Variants in VPS35 observed in about 807,000 individuals in gnomAD.
The protein encoded by VPS35 is vacuolar protein sorting-associated protein 35.
Under a neutral mutation model 98.1 loss-of-function variants are expected in VPS35, and 21 were observed. That is an observed-to-expected ratio of 0.21 (90% CI 0.15 to 0.31). The LOEUF is 0.31. Among genes scored for constraint, VPS35 ranks in the 10% least tolerant of loss-of-function variants. The pLI, the probability that VPS35 is intolerant of heterozygous loss-of-function variation, is 1.00. For synonymous variants in VPS35, 268 were observed against 318.2 expected, an observed-to-expected ratio of 0.84 and a Z score of 1.68; for missense variants, 554 against 950.8, an observed-to-expected ratio of 0.58 and a Z score of 5.49.
intron 12 of VPS35, among the ~76,000 whole-genome samples, chr16:46,670,279 T>C (rs951250710): frequency 6.6e-6 from 1 of 152,180 alleles, no homozygotes; most frequent in African/African-American, 2.4e-5. Context: ...ATCAGCCACA[T>C]GCAGAAGGCA....
chr16:46,678,806 C>A (rs1966190051), intron 6 of VPS35, 137 bp downstream of exon 6: 1 of 829,330 alleles, frequency 1.2e-6, no homozygotes, highest in South Asian at 1.8e-5. Context: ...ATATATCTTT[C>A]CGTTTAAGTC....
chr16:46,678,429 C>T (rs1567268022), intron 6 of VPS35, among the ~76,000 whole-genome samples: 2 of 151,938 alleles, frequency 1.3e-5, no homozygotes, highest in Non-Finnish European at 2.9e-5. Context: ...TTGTACAGCA[C>T]ATGTCTTACA....
chr16:46,680,678 G>A lies in VPS35; in HGVS notation c.499C>T (p.Pro167Ser). The A allele has an allele frequency of 6.2e-7, 1 of 1,613,612 alleles. No individual in the cohort carries two copies. The highest frequency in any genetic ancestry group is 8.5e-7 in the Non-Finnish European group (1 of 1,179,758). ...TRNILPDEGE[P>S]TDEETTGDIS... ...AGAAAGAAAATCACTTACTCTGTTG[G>A]CTCTCCTTCATCAGGTAAGATATTT... The change falls in exon 5 of 17, where the codon CCA (proline) becomes TCA (serine). Residue 167 changes from proline (P) to serine (S), a missense_variant. By Grantham distance (74) the Pro-to-Ser change is moderately conservative. This residue lies in a region of VPS35 where 77 missense variants were observed against 222.3 expected (regional missense o/e 0.35). Coordinates refer to ENST00000299138, the MANE Select transcript of VPS35 (RefSeq NM_018206.6).
intron 10 of VPS35, 24 bp downstream of exon 10, chr16:46,674,290 T>C (rs1966110480): frequency 6.2e-7 from 1 of 1,613,212 alleles, no homozygotes. Flanking sequence ...TTTGAGGATT[T>C]TTACAAAAAT....
intron 1 of VPS35, among the ~76,000 whole-genome samples, chr16:46,684,811 TG>T (rs1966287818): frequency 6.6e-6 from 1 of 152,154 alleles, no homozygotes; most frequent in Admixed American, 6.5e-5. Flanking sequence ...AATTAATGGA[TG>T]AATAAACAAG....
chr16:46,660,839 A>AC lies in VPS35; in HGVS notation c.2212-189dup, dbSNP rs59019355. On this transcript the variant is annotated intron_variant, in intron 16 of 16. Transcript: ENST00000299138. Reference sequence around the variant, plus strand: ...GACTATCAAAAAAAAAAAAAAAAAAACAACCCTTTAAAACAAGCAAAATTG... The same window carrying AC: ...GACTATCAAAAAAAAAAAAAAAAAAACCAACCCTTTAAAACAAGCAAAATTG... The AC allele has an allele frequency of 4.5e-5, 30 of 673,960 alleles. No homozygotes were observed. In the East Asian group the frequency reaches 8.3e-4, roughly 19 times the overall value. The allele number at this position is 673,960 out of a possible 1,614,324, so 41.7% of individuals were successfully genotyped here.
intron 6 of VPS35, 80 bp from the exon 7 acceptor site, chr16:46,677,478 T>A: frequency 1.7e-6 from 2 of 1,143,578 alleles, no homozygotes; most frequent in Non-Finnish European, 2.6e-6. Flanking sequence ...GCATTTGAAC[T>A]ACTAACTTGA....
At chr16:46,683,898 T>C (rs992338692) in intron 1 of VPS35, among the ~76,000 whole-genome samples, 3 of 152,122 alleles carry the variant, frequency 2.0e-5, no homozygotes, top group Non-Finnish European at 4.4e-5. Context: ...CTAATTTTTT[T>C]TCTATTTTTA....
rs368580671 is a variant in VPS35 at position 46,684,580 on chromosome 16, A to G, written c.4-974T>C. On this transcript the variant is annotated intron_variant, in intron 1 of 16. Transcript: ENST00000299138. ...AAAATCTGCTTGCAAAATGAATTCA[A>G]TCTCCATGCCAAAAAGAATTAACCA... 1.1e-4 allele frequency among the ~76,000 whole-genome samples: 16 copies of G among 152,330 alleles called. 1 individual carries two copies. Among genetic ancestry groups the G allele is most frequent in the African/African-American group, 3.4e-4 (14 of 41,574 alleles).
intron 6 of VPS35, 121 bp downstream of exon 6, chr16:46,678,822 C>A (rs1223952452): frequency 4.0e-6 from 4 of 1,007,618 alleles, no homozygotes; most frequent in Non-Finnish European, 5.8e-6. Flanking sequence ...AAGTCTTCTT[C>A]AATAACAGCC....
At chr16:46,678,867 CAA>C (rs1355519700) in intron 6 of VPS35, 74 bp downstream of exon 6, 1 of 1,512,432 alleles carries the variant, frequency 6.6e-7, no homozygotes, top group African/African-American at 1.4e-5. Context: ...TATTGTATAA[CAA>C]AAATATTCTG....
At chr16:46,679,633 C>T (rs540378655) in intron 5 of VPS35, among the ~76,000 whole-genome samples, 1 of 152,158 alleles carries the variant, frequency 6.6e-6, no homozygotes, top group Non-Finnish European at 1.5e-5. Flanking sequence ...CATCATTTTA[C>T]TGTTGAATAT....
intron 11 of VPS35, 134 bp downstream of exon 11, chr16:46,672,131 T>G (rs1966078543): frequency 1.2e-6 from 1 of 826,816 alleles, no homozygotes; most frequent in South Asian, 1.6e-5. Flanking sequence ...CAATTTTTAA[T>G]TTATATAATG....
chr16:46,664,132 C>T (rs1028270867), intron 13 of VPS35, among the ~76,000 whole-genome samples: 2 of 152,014 alleles, frequency 1.3e-5, no homozygotes, highest in South Asian at 2.1e-4. Context: ...TGGTAACATT[C>T]GGATGCTAAA....
chr16:46,685,919 AATTTACC>A (rs1272636083), intron 1 of VPS35, among the ~76,000 whole-genome samples: 6 of 152,148 alleles, frequency 3.9e-5, no homozygotes, highest in Non-Finnish European at 8.8e-5. Context: ...ATGTACCTAA[AATTTACC>A]ATTTTAACAT....
rs1433062353 is a variant in VPS35 at position 46,661,400 on chromosome 16, TTG to T, written c.2211+316_2211+317del. The T allele has an allele frequency of 3.5e-6, 1 of 282,978 alleles. No individual in the cohort carries two copies. The highest frequency in any genetic ancestry group is 6.9e-6 in the Non-Finnish European group (1 of 145,922). 17.5% of individuals were successfully genotyped at this position (282,978 alleles called of 1,614,324 possible). A position where few individuals can be genotyped will look rare whatever the true frequency, so the allele number is the denominator to read the frequency against. On this transcript the variant is annotated intron_variant, in intron 16 of 16. Coordinates refer to ENST00000299138, the MANE Select transcript of VPS35 (RefSeq NM_018206.6). This position sits in a 1 kb window ranked among gnomAD's most constrained non-coding sequence, Gnocchi z 4.3. ...GCCTGCCACCACGCCTAGCTAATTT[TTG>T]TATTTTTAGTAGAGATGGGGTTTCA...
intron 1 of VPS35, among the ~76,000 whole-genome samples, chr16:46,686,660 T>A (rs921853638): frequency 1.6e-4 from 24 of 152,242 alleles, no homozygotes; most frequent in Admixed American, 6.5e-4. Context: ...TGCCTTACTA[T>A]GAAGTGTCAC....
chr16:46,675,009 G>A (rs1966124962), intron 8 of VPS35, among the ~76,000 whole-genome samples: 1 of 46,580 alleles, frequency 2.1e-5, no homozygotes, highest in African/African-American at 4.7e-5. Flanking sequence ...GCCCAGGGTG[G>A]TACTGACCTG....
chr16:46,666,638 T>C (rs2143006588), intron 13 of VPS35, among the ~76,000 whole-genome samples: 1 of 152,336 alleles, frequency 6.6e-6, no homozygotes, highest in Middle Eastern at 3.4e-3. Flanking sequence ...TAAAAAACAA[T>C]TCTACATATA....
Sources: allele counts gnomAD v4.1 joint callset (sites outside exome capture counted in the v4.1 genomes callset), GRCh38; gene constraint gnomAD v4.1.1; regional missense constraint gnomAD v4.1.1; non-coding constraint Gnocchi (gnomAD v3.1); transcripts MANE v1.5; gene names NCBI Gene and HGNC (gene_info 2026-07-23, HGNC 2026-07-21).